DNAH8: variants seen among roughly 807,000 people sequenced by gnomAD.
DNAH8 encodes the protein dynein axonemal heavy chain 8.
In DNAH8, 382 loss-of-function variants were observed where a neutral mutation model predicts 562.1. The ratio of observed to expected loss-of-function variants is 0.68; its 90% CI spans 0.63 to 0.74. The LOEUF (loss-of-function observed/expected upper bound fraction) is 0.74, where lower values mean the gene tolerates loss of function less well. DNAH8 is among the 30% of genes least tolerant of loss of function. DNAH8 has a pLI of 0.00. For missense variants in DNAH8, 5,203 were observed against 5,620.4 expected (o/e 0.93, Z 2.37); for synonymous variants, 1,881 against 1,919.4 (o/e 0.98, Z 0.52).
intron 85 of DNAH8, among the ~76,000 whole-genome samples, chr6:38,978,524 T>C (rs1355858185): frequency 1.3e-5 from 2 of 152,232 alleles, no homozygotes; most frequent in East Asian, 3.8e-4. Flanking sequence ...CTCTGCCCCA[T>C]AGTGTTTCCC....
At chr6:38,946,558 C>G (rs1313740363) in intron 80 of DNAH8, among the ~76,000 whole-genome samples, 1 of 152,208 alleles carries the variant, frequency 6.6e-6, no homozygotes, top group Non-Finnish European at 1.5e-5. Context: ...CGCCTGTAAT[C>G]CCAGCACTTT....
chr6:38,794,827 A>G (rs1170895909), intron 21 of DNAH8, among the ~76,000 whole-genome samples: 1 of 151,320 alleles, frequency 6.6e-6, no homozygotes, highest in Non-Finnish European at 1.5e-5. Flanking sequence ...GGGCATTTAG[A>G]TTGTTTATAG....
chr6:39,030,217 A>G lies in DNAH8; in HGVS notation c.13949A>G (p.His4650Arg). The change falls in exon 93 of 93, where the codon CAC (histidine) becomes CGC (arginine). Residue 4650 changes from histidine to arginine, a missense_variant. Physicochemically the swap from His to Arg is conservative, Grantham distance 29. This residue lies in a region of DNAH8 where 1,399 missense variants were observed against 1,518.4 expected (regional missense o/e 0.92). Coordinates refer to ENST00000327475, the MANE Select transcript of DNAH8 (RefSeq NM_001206927.2). ...CTCTTCACGCAGTTACCCGTGCTCCACATCTTTGCCATTAACTCCACGGCA... is the reference window on the plus strand; with the variant it reads ...CTCTTCACGCAGTTACCCGTGCTCCGCATCTTTGCCATTAACTCCACGGCA... ...KVLFTQLPVL[H>R]IFAINSTAPK... The G allele has an allele frequency of 3.1e-6, 5 of 1,614,142 alleles. No homozygotes were observed. The highest frequency in any genetic ancestry group is 1.1e-5 in the South Asian group (1 of 91,084).
intron 82 of DNAH8, among the ~76,000 whole-genome samples, chr6:38,953,462 G>A (rs1238061662): frequency 2.0e-5 from 3 of 152,182 alleles, no homozygotes; most frequent in Non-Finnish European, 4.4e-5. Flanking sequence ...ATCCTTTAGT[G>A]TTATCATACT....
In DNAH8 at chr6:38,805,505, G is replaced by A. The variant is rs902849215; in HGVS notation, c.3059G>A (p.Gly1020Glu). 1.9e-6 allele frequency: 3 copies of A among 1,609,418 alleles called. No individual in the cohort carries two copies. In the African/African-American group the frequency reaches 4.0e-5, roughly 22 times the overall value. Residue 1020 changes from glycine (G) to glutamate (E), a missense_variant, in exon 23 of 93, where the codon GGA (glycine) becomes GAA (glutamate). By Grantham distance (98) the Gly-to-Glu change is moderately conservative (BLOSUM62 -2). Around this residue, in one of 6 missense-constraint regions of DNAH8, gnomAD observed 2,176 missense variants for 2,365.1 expected, o/e 0.92. Coordinates refer to ENST00000327475, the MANE Select transcript of DNAH8 (RefSeq NM_001206927.2). ...QSEQRKHVVFGSETGEGENND... is the reference protein window; with the variant it reads ...QSEQRKHVVFESETGEGENND... ...GAACAGCGGAAACACGTTGTTTTTG[G>A]AAGTGAAACAGGAGAGGGTGAAAAC...
chr6:38,797,286 G>A (rs1441318329), intron 21 of DNAH8, among the ~76,000 whole-genome samples: 1 of 152,114 alleles, frequency 6.6e-6, no homozygotes, highest in African/African-American at 2.4e-5. Context: ...TAATCCCAGT[G>A]AAAGGAGAGG....
intron 42 of DNAH8, 118 bp from the exon 43 acceptor site, chr6:38,860,339 A>T: frequency 1.9e-6 from 1 of 525,046 alleles, no homozygotes; most frequent in East Asian, 3.5e-5. Context: ...GAAACTCAAT[A>T]AATATTTGTT....
intron 26 of DNAH8, among the ~76,000 whole-genome samples, chr6:38,816,302 G>A (rs1354233156): frequency 6.6e-6 from 1 of 151,978 alleles, no homozygotes; most frequent in Non-Finnish European, 1.5e-5. Flanking sequence ...TGTTCACATT[G>A]TTCAGCTCCC....
intron 26 of DNAH8, among the ~76,000 whole-genome samples, chr6:38,821,500 T>C (rs908702431): frequency 3.3e-5 from 5 of 152,116 alleles, no homozygotes; most frequent in African/African-American, 4.8e-5. Context: ...AATAGGGGAA[T>C]TCAAAGGACC....
intron 9 of DNAH8, among the ~76,000 whole-genome samples, chr6:38,751,157 G>A (rs2127595689): frequency 6.6e-6 from 1 of 152,270 alleles, no homozygotes; most frequent in African/African-American, 2.4e-5. Flanking sequence ...GCTAAGTGGG[G>A]GAGGCTGACT....
At chr6:38,827,884 A>C (rs1773502898) in intron 29 of DNAH8, among the ~76,000 whole-genome samples, 1 of 151,026 alleles carries the variant, frequency 6.6e-6, no homozygotes, top group Non-Finnish European at 1.5e-5. Context: ...CCCCTGTTTT[A>C]ATACAGTCTG....
intron 88 of DNAH8, among the ~76,000 whole-genome samples, chr6:38,997,098 C>G (rs1765186809): frequency 6.6e-6 from 1 of 152,178 alleles, no homozygotes. Context: ...CCCTGATCCC[C>G]TTTCCCCAGC....
intron 21 of DNAH8, among the ~76,000 whole-genome samples, chr6:38,792,310 A>G (rs1738246): frequency 0.15 from 23,490 of 151,624 alleles, 1,987 homozygotes; most frequent in East Asian, 0.31. Context: ...CTGGTCTCGA[A>G]CTCCCGACCT....
chr6:38,947,482 G>A (rs1761527030), intron 80 of DNAH8, among the ~76,000 whole-genome samples: 1 of 152,274 alleles, frequency 6.6e-6, no homozygotes, highest in African/African-American at 2.4e-5. Context: ...TATCATGGCT[G>A]CAGCTCACTT....
intron 9 of DNAH8, among the ~76,000 whole-genome samples, chr6:38,751,835 C>T (rs960080374): frequency 1.3e-5 from 2 of 152,118 alleles, no homozygotes; most frequent in Non-Finnish European, 2.9e-5. Flanking sequence ...CCCCATTTTT[C>T]CTGGATATTA....
At chr6:38,995,433 G>C (rs964892815) in intron 88 of DNAH8, among the ~76,000 whole-genome samples, 16 of 152,140 alleles carry the variant, frequency 1.1e-4, no homozygotes, top group African/African-American at 3.4e-4. Flanking sequence ...TAAAAATGTG[G>C]AAGTTTTTCT....
rs1738252 is a variant in DNAH8, at chr6:38,780,970, T to G, written c.2140-284T>G. On this transcript the variant is annotated intron_variant, in intron 15 of 92. Coordinates refer to ENST00000327475, the MANE Select transcript of DNAH8 (RefSeq NM_001206927.2). ...TACTATTATGACAGATATTAATATG[T>G]AGCTATGTGCTCCGTTTGAATACCT... Among the ~76,000 whole-genome samples the G allele has an allele frequency of 0.099, 15,112 of 152,160 alleles. 1,379 individuals are homozygous for G. Among genetic ancestry groups the G allele is most frequent in the East Asian group, 0.44 (2,286 of 5,176 alleles).
At chr6:38,740,436 GTTATC>G (rs1173555931) in intron 7 of DNAH8, among the ~76,000 whole-genome samples, 1 of 152,084 alleles carries the variant, frequency 6.6e-6, no homozygotes, top group Admixed American at 6.5e-5. Context: ...TTAATTTCTA[GTTATC>G]TTATCACTGT....
rs1204156273 is a variant in DNAH8, at chr6:38,832,368, G to A, written c.4235G>A (p.Ser1412Asn). 6.2e-7 allele frequency: 1 copy of A among 1,613,908 alleles called. No individual in the cohort carries two copies. The highest frequency in any genetic ancestry group is 8.5e-7 in the Non-Finnish European group (1 of 1,179,854). Residue 1412 changes from serine to asparagine, a missense_variant, in exon 31 of 93, where the codon AGC becomes AAC. Transcript: ENST00000327475. ...DLVQVQPKFKSNLLESVEVFR... is the reference protein window; with the variant it reads ...DLVQVQPKFKNNLLESVEVFR... ...GTTCAAGTGCAGCCAAAGTTTAAAA[G>A]CAATCTACTTGAGTCTGTGGAAGTT... is the stretch of plus-strand genomic sequence containing the variant.
Sources: gnomAD v4.1 joint callset for allele counts (sites outside exome capture counted in the v4.1 genomes callset) on GRCh38, gnomAD v4.1.1 for gene constraint, gnomAD v4.1.1 regional missense constraint, MANE v1.5 for transcripts, NCBI Gene and HGNC (gene_info 2026-07-23, HGNC 2026-07-21) for gene names.